RTL4: variants seen among roughly 807,000 people sequenced by gnomAD.
RTL4 encodes the protein retrotransposon Gag-like protein 4.
Under a neutral mutation model 5.3 loss-of-function variants are expected in RTL4, and 4 were observed. The ratio of observed to expected loss-of-function variants is 0.75; its 90% CI spans 0.37 to 1.72. The LOEUF (loss-of-function observed/expected upper bound fraction) is 1.72, where lower values mean the gene tolerates loss of function less well. RTL4 is among the 40% of genes most tolerant of loss of function. RTL4 has a pLI of 0.04. For missense variants in RTL4, 260 were observed against 227.1 expected, an observed-to-expected ratio of 1.14 and a Z score of -0.93; for synonymous variants, 98 against 87.3, an observed-to-expected ratio of 1.12 and a Z score of -0.68.
the RTL4 span, among the ~76,000 whole-genome samples, chrX:112,415,629 G>A: frequency 9.1e-6 from 1 of 110,294 alleles, no homozygotes; most frequent in Non-Finnish European, 1.9e-5. Context: ...TGAAGCTATT[G>A]TGGATTTTTG....
chrX:112,169,108 C>CT, the RTL4 span, among the ~76,000 whole-genome samples: 2 of 39,674 alleles, frequency 5.0e-5, no homozygotes, highest in Non-Finnish European at 9.9e-5. Context: ...TTCTTTCTTT[C>CT]TTTTTTGGGT....
chrX:112,173,207 C>T, the RTL4 span, among the ~76,000 whole-genome samples: 2,487 of 110,721 alleles, frequency 0.022, 36 homozygotes, highest in Non-Finnish European at 0.035. Flanking sequence ...CAAGAAAAAA[C>T]AAATAAATAA....
the RTL4 span, among the ~76,000 whole-genome samples, chrX:112,179,526 G>T: frequency 8.9e-6 from 1 of 111,978 alleles, no homozygotes; most frequent in African/African-American, 3.2e-5. Flanking sequence ...TAATGCCAGA[G>T]GAATAGTAGG....
At chrX:112,352,151 T>C in the RTL4 span, among the ~76,000 whole-genome samples, 1 of 110,912 alleles carries the variant, frequency 9.0e-6, no homozygotes, top group Admixed American at 9.7e-5. Context: ...GGATATGAAA[T>C]TCTGGGTTGA....
the RTL4 span, among the ~76,000 whole-genome samples, chrX:112,245,269 GGA>G: frequency 9.0e-6 from 1 of 111,413 alleles, no homozygotes; most frequent in Non-Finnish European, 1.9e-5. Context: ...AAGTTTTCCT[GGA>G]TAATATCCTG....
the RTL4 span, among the ~76,000 whole-genome samples, chrX:112,317,309 T>C: frequency 8.9e-6 from 1 of 111,832 alleles, no homozygotes; most frequent in Non-Finnish European, 1.9e-5. Flanking sequence ...CCACAGTCTC[T>C]TAAAAATCCC....
chrX:112,149,260 A>G, the RTL4 span, among the ~76,000 whole-genome samples: 1 of 111,661 alleles, frequency 9.0e-6, no homozygotes, highest in East Asian at 2.8e-4. Context: ...CCTACAGCTG[A>G]CAGTCTTTTT....
At chrX:112,407,307 C>T in the RTL4 span, among the ~76,000 whole-genome samples, 17 of 111,072 alleles carry the variant, frequency 1.5e-4, no homozygotes, top group African/African-American at 5.6e-4. Context: ...AGGCAGAATT[C>T]ACCACAGCTG....
At chrX:112,166,697 G>T in the RTL4 span, among the ~76,000 whole-genome samples, 3 of 111,769 alleles carry the variant, frequency 2.7e-5, no homozygotes, top group Non-Finnish European at 5.6e-5. Flanking sequence ...AAAGACCACA[G>T]AATCAGACTG....
chrX:112,187,998 G>A, the RTL4 span, among the ~76,000 whole-genome samples: 1,958 of 111,563 alleles, frequency 0.018, 44 homozygotes, highest in African/African-American at 0.061. Context: ...TGATGATCAT[G>A]GCTATGTTAA....
the RTL4 span, among the ~76,000 whole-genome samples, chrX:112,345,581 C>T: frequency 9.0e-6 from 1 of 111,382 alleles, no homozygotes; most frequent in Non-Finnish European, 1.9e-5. Flanking sequence ...GGCCTTGATC[C>T]CTGACCTATA....
the RTL4 span, among the ~76,000 whole-genome samples, chrX:112,331,185 C>T: frequency 1.9e-5 from 2 of 103,743 alleles, no homozygotes; most frequent in East Asian, 3.1e-4. Flanking sequence ...AGAGCTTCTG[C>T]ACAGCAAAAG....
At chrX:112,131,407 A>G in the RTL4 span, among the ~76,000 whole-genome samples, 2 of 111,379 alleles carry the variant, frequency 1.8e-5, no homozygotes, top group Non-Finnish European at 3.8e-5. Flanking sequence ...TCAAATCTCC[A>G]TGGCACCCAT....
the RTL4 span, among the ~76,000 whole-genome samples, chrX:112,160,881 G>A: frequency 9.2e-6 from 1 of 108,660 alleles, no homozygotes. Context: ...TGAATGCCAT[G>A]TTAAGGAATT....
the RTL4 span, among the ~76,000 whole-genome samples, chrX:112,336,684 A>ATATT: frequency 8.9e-6 from 1 of 112,580 alleles, no homozygotes; most frequent in African/African-American, 3.2e-5. Flanking sequence ...TATACTCAAT[A>ATATT]GCCACACGTG....
At chrX:112,446,679 C>G in the RTL4 span, among the ~76,000 whole-genome samples, 1 of 111,879 alleles carries the variant, frequency 8.9e-6, no homozygotes, top group Non-Finnish European at 1.9e-5. Flanking sequence ...AAAACTCCAT[C>G]TCTACTAAAA....
the RTL4 span, among the ~76,000 whole-genome samples, chrX:112,112,247 G>A: frequency 8.9e-6 from 1 of 112,081 alleles, no homozygotes; most frequent in African/African-American, 3.2e-5. Flanking sequence ...ATAAAGAGAA[G>A]TTTTGTCCTG....
chrX:112,209,379 T>C, the RTL4 span, among the ~76,000 whole-genome samples: 1 of 112,148 alleles, frequency 8.9e-6, no homozygotes, highest in African/African-American at 3.2e-5. Context: ...CAAGGTGCAC[T>C]GCTCAAAGTT....
chrX:112,356,433 GGGTA>G, the RTL4 span, among the ~76,000 whole-genome samples: 1 of 111,559 alleles, frequency 9.0e-6, no homozygotes. Context: ...ATCCCACTTA[GGGTA>G]GTTCAAATCA....
Sources: allele counts gnomAD v4.1 joint callset (sites outside exome capture counted in the v4.1 genomes callset), GRCh38; gene constraint gnomAD v4.1.1; transcripts MANE v1.5; gene names NCBI Gene and HGNC (gene_info 2026-07-23, HGNC 2026-07-21).